EME2: variants seen among roughly 807,000 people sequenced by gnomAD.
The protein encoded by EME2 is essential meiotic structure-specific endonuclease subunit 2, also known as structure-specific endonuclease subunit EME2.
A neutral mutation model predicts 41.9 loss-of-function variants in EME2; 58 were observed. The observed-to-expected ratio is 1.38, with a 90% CI of 1.12 to 1.72. The LOEUF (loss-of-function observed/expected upper bound fraction) is 1.72, where lower values mean the gene tolerates loss of function less well. Ranked by LOEUF, EME2 falls within the 40% of genes most tolerant of loss-of-function variation. The probability of loss-of-function intolerance (pLI) is 0.00; values close to 1 mark genes in which losing one functional copy is unlikely to be tolerated. For missense variants in EME2, 695 were observed against 541.9 expected (o/e 1.28, Z -2.81); for synonymous variants, 334 against 239.3 (o/e 1.40, Z -3.65).
In EME2 at chr16:1,777,377, C is replaced by T. The variant is rs1195970870; in HGVS notation, c.*1139C>T. On this transcript the variant is annotated 3_prime_UTR_variant, in exon 8 of 8. Coordinates refer to ENST00000568449, the MANE Select transcript of EME2 (RefSeq NM_001257370.2). ...ACAGGAGCGGGTGACCTTCATGCTGCTCCGGGCCGCCGTGGAGCACACCAT... is the reference window on the plus strand; with the variant it reads ...ACAGGAGCGGGTGACCTTCATGCTGTTCCGGGCCGCCGTGGAGCACACCAT... 1 of 1,599,468 alleles carries T rather than the reference C, an allele frequency of 6.3e-7. No homozygotes were observed. Among genetic ancestry groups the T allele is most frequent in the Non-Finnish European group, 8.5e-7 (1 of 1,175,258 alleles).
Position 1,773,491 on chromosome 16 carries a change from G to C in EME2, c.247+17G>C. On this transcript the variant is annotated intron_variant, in intron 1 of 7. Coordinates refer to ENST00000568449, the MANE Select transcript of EME2 (RefSeq NM_001257370.2). ...TGGACACAGGTGCGGCGGAGGGCAC[G>C]GGCGATACTCGGGGTAGGAAAGGCC... 1.3e-6 allele frequency: 2 copies of C among 1,577,952 alleles called. No individual in the cohort carries two copies. The highest frequency in any genetic ancestry group is 2.3e-5 in the South Asian group (2 of 88,430).
Position 1,777,060 on chromosome 16 carries a change from G to A in EME2, c.*822G>A. Reference sequence around the variant, plus strand: ...AAAGAAGGGACAGAGGAAAGGGGCTGTCCCAGCCCAAGAAGGCAGTTCCAC... The same window carrying A: ...AAAGAAGGGACAGAGGAAAGGGGCTATCCCAGCCCAAGAAGGCAGTTCCAC... On this transcript the variant is annotated 3_prime_UTR_variant, in exon 8 of 8. Transcript: ENST00000568449. 1.3e-6 allele frequency: 2 copies of A among 1,595,194 alleles called. No homozygotes were observed. Among genetic ancestry groups the A allele is most frequent in the Non-Finnish European group, 1.7e-6 (2 of 1,169,426 alleles).
In EME2 at chr16:1,775,887, G is replaced by C; in HGVS notation, c.870G>C (p.Gln290His). 1.9e-6 allele frequency: 3 copies of C among 1,612,504 alleles called. No homozygotes were observed. The highest frequency in any genetic ancestry group is 2.5e-6 in the Non-Finnish European group (3 of 1,179,814). ...EPVARDGAGL[Q>H]AAWRRQIRQF... Reference sequence around the variant, plus strand: ...TGGCAAGAGACGGCGCAGGGCTGCAGGCGGCCTGGCGGAGGCAGATCAGGC... The same window carrying C: ...TGGCAAGAGACGGCGCAGGGCTGCACGCGGCCTGGCGGAGGCAGATCAGGC... Residue 290 changes from glutamine to histidine, a missense_variant, in exon 7 of 8, where the codon CAG becomes CAC. Coordinates refer to ENST00000568449, the MANE Select transcript of EME2 (RefSeq NM_001257370.2).
In EME2 at chr16:1,772,962, CGGACCGGCAGCCGGCGTCCAG is replaced by C; in HGVS notation, c.-265_-245del. On this transcript the variant is annotated 5_prime_UTR_variant, in exon 1 of 8. Coordinates refer to ENST00000568449, the MANE Select transcript of EME2 (RefSeq NM_001257370.2). ...CTCGCGGCGCACGTCGGCCCAGGCC[CGGACCGGCAGCCGGCGTCCAG>C]AGAACGGCCGCGTCAAGGTCTCGTA... 2 of 1,449,068 alleles carry C rather than the reference CGGACCGGCAGCCGGCGTCCAG, an allele frequency of 1.4e-6. No individual in the cohort carries two copies. The highest frequency in any genetic ancestry group is 3.0e-5 in the African/African-American group (2 of 66,906). 89.8% of individuals were successfully genotyped at this position (1,449,068 alleles called of 1,614,324 possible).
At position 1,781,431 on chromosome 16, in the gene EME2, G is replaced by C. The variant is rs1430930909; in HGVS notation, c.*5193G>C. ...GGCCCGGGCATCTGCGTCTCGGCGG[G>C]CTGCACTCAGGACGAAGTGCCAGGC... On this transcript the variant is annotated 3_prime_UTR_variant, in exon 8 of 8. Transcript: ENST00000568449. 1.2e-6 allele frequency: 2 copies of C among 1,612,826 alleles called. No homozygotes were observed. Among genetic ancestry groups the C allele is most frequent in the Admixed American group, 3.3e-5 (2 of 60,018 alleles).
Position 1,775,656 on chromosome 16 carries a change from A to T in EME2, c.751A>T (p.Thr251Ser). The T allele has an allele frequency of 6.2e-7, 1 of 1,612,930 alleles. No individual in the cohort carries two copies. Among genetic ancestry groups the T allele is most frequent in the Non-Finnish European group, 8.5e-7 (1 of 1,180,032 alleles). ...QELSRHVCAV[T>S]KALAQYPLKQ... ...GCTGAGTCGGCACGTGTGCGCCGTTACCAAGGCTCTCGCCCAGTATCCCCT... is the reference window on the plus strand; with the variant it reads ...GCTGAGTCGGCACGTGTGCGCCGTTTCCAAGGCTCTCGCCCAGTATCCCCT... The change falls in exon 6 of 8, where the codon ACC becomes TCC. Residue 251 changes from threonine to serine, a missense_variant. Thr to Ser is a moderately conservative substitution (Grantham distance 58). Transcript: ENST00000568449.
Position 1,774,252 on chromosome 16 carries a change from C to T in EME2, c.385-8C>T. On this transcript the variant is annotated splice_region_variant and splice_polypyrimidine_tract_variant and intron_variant, in intron 2 of 7. Transcript: ENST00000568449. The stretch of plus-strand genomic sequence containing the variant: ...GACAGGCAGCAGCGCGTCCCCATGT[C>T]CCCACAGCTGCCTCCTGAAGTGTGG... 3 of 1,611,508 alleles carry T rather than the reference C, an allele frequency of 1.9e-6. No homozygotes were observed. The highest frequency in any genetic ancestry group is 2.5e-6 in the Non-Finnish European group (3 of 1,178,978).
Position 1,775,586 on chromosome 16 carries a change from G to A in EME2, c.681G>A (p.Gln227=). Residue 227 remains glutamine, a synonymous_variant, in exon 6 of 8, where the codon CAG becomes CAA. Coordinates refer to ENST00000568449, the MANE Select transcript of EME2 (RefSeq NM_001257370.2). ...PEVEEALVLL[Q]LWANLDVLLV... Reference sequence around the variant, plus strand: ...CTCCCCAGGCCCTGGTACTCCTGCAGCTCTGGGCAAACCTGGACGTGCTAC... The same window carrying A: ...CTCCCCAGGCCCTGGTACTCCTGCAACTCTGGGCAAACCTGGACGTGCTAC... 1.2e-6 allele frequency: 2 copies of A among 1,612,926 alleles called. No homozygotes were observed. The highest frequency in any genetic ancestry group is 1.6e-4 in the Middle Eastern group (1 of 6,062).
rs1393422001 is a variant in EME2 at position 1,773,846 on chromosome 16, G to C, written c.384+5G>C. ...CCCGACCCCTGCCCCCGCAGCGTGA[G>C]TGGTCGCGGGTTCCCGAGGGCCAGC... On this transcript the variant is annotated splice_donor_5th_base_variant and intron_variant, in intron 2 of 7. Transcript: ENST00000568449. The C allele has an allele frequency of 1.2e-5, 19 of 1,535,656 alleles. No individual in the cohort carries two copies. Among genetic ancestry groups the C allele is most frequent in the Non-Finnish European group, 1.7e-5 (19 of 1,146,450 alleles).
At position 1,773,215 on chromosome 16, in the gene EME2, G is replaced by A; in HGVS notation, c.-13G>A. On this transcript the variant is annotated 5_prime_UTR_variant, in exon 1 of 8. Coordinates refer to ENST00000568449, the MANE Select transcript of EME2 (RefSeq NM_001257370.2). ...CGGTCGCGGCCGGAAGCGAGGAAGA[G>A]GTCGGTCCGGCCATGGCGCGGGTTG... 2 of 1,443,936 alleles carry A rather than the reference G, an allele frequency of 1.4e-6. No homozygotes were observed. The highest frequency in any genetic ancestry group is 1.5e-5 in the South Asian group (1 of 68,182). 89.4% of individuals were successfully genotyped at this position (1,443,936 alleles called of 1,614,324 possible).
Position 1,778,100 on chromosome 16 carries a change from T to C in EME2, c.*1862T>C. 6.2e-7 allele frequency: 1 copy of C among 1,612,866 alleles called. No homozygotes were observed. The highest frequency in any genetic ancestry group is 8.5e-7 in the Non-Finnish European group (1 of 1,179,902). ...GCGGGGCTGGGCTGCCGGAGCCAGG[T>C]TCCCCAGAAGCACCCTGGGCCGAAG... On this transcript the variant is annotated 3_prime_UTR_variant, in exon 8 of 8. Coordinates refer to ENST00000568449, the MANE Select transcript of EME2 (RefSeq NM_001257370.2).
In EME2 at chr16:1,773,231, G is replaced by A. The variant is rs745897769; in HGVS notation, c.4G>A (p.Ala2Thr). M[A>T]RVGPGRAGVS... Reference sequence around the variant, plus strand: ...CGAGGAAGAGGTCGGTCCGGCCATGGCGCGGGTTGGACCCGGGAGGGCGGG... The same window carrying A: ...CGAGGAAGAGGTCGGTCCGGCCATGACGCGGGTTGGACCCGGGAGGGCGGG... The change falls in exon 1 of 8, where the codon GCG becomes ACG. Residue 2 changes from alanine to threonine, a missense_variant. Coordinates refer to ENST00000568449, the MANE Select transcript of EME2 (RefSeq NM_001257370.2). The A allele has an allele frequency of 3.8e-4, 547 of 1,445,330 alleles. No homozygotes were observed. The highest frequency in any genetic ancestry group is 4.7e-4 in the Non-Finnish European group (518 of 1,108,878). 89.5% of individuals were successfully genotyped at this position (1,445,330 alleles called of 1,614,324 possible).
At chr16:1,774,423 C>T (rs1483725431) in intron 3 of EME2, 71 bp downstream of exon 3, 28 of 1,286,206 alleles carry the variant, frequency 2.2e-5, no homozygotes, top group South Asian at 1.7e-4. Context: ...GCGCCTGCTC[C>T]GCCGGTCCCT....
In EME2 at chr16:1,773,038, G is replaced by A. The variant is rs2042647851; in HGVS notation, c.-190G>A. ...ACCGCGTAGAGCTGGGAGTCGCGCGGCCTGTTCAGTTGCTCCCGCAGGGCG... is the reference window on the plus strand; with the variant it reads ...ACCGCGTAGAGCTGGGAGTCGCGCGACCTGTTCAGTTGCTCCCGCAGGGCG... On this transcript the variant is annotated 5_prime_UTR_variant, in exon 1 of 8. Transcript: ENST00000568449. The A allele has an allele frequency of 7.0e-7, 1 of 1,436,474 alleles. No individual in the cohort carries two copies. The highest frequency in any genetic ancestry group is 9.1e-7 in the Non-Finnish European group (1 of 1,096,586). 89.0% of individuals were successfully genotyped at this position (1,436,474 alleles called of 1,614,324 possible).
Position 1,777,931 on chromosome 16 carries a change from C to A in EME2, c.*1693C>A. 1 of 1,612,444 alleles carries A rather than the reference C, an allele frequency of 6.2e-7. No individual in the cohort carries two copies. The highest frequency in any genetic ancestry group is 1.3e-5 in the African/African-American group (1 of 75,040). On this transcript the variant is annotated 3_prime_UTR_variant, in exon 8 of 8. Transcript: ENST00000568449. ...GCTCCAGGCTCGGCCCCGCCCCACC[C>A]TGGGCCTCACGCACCCGTGTAGGAG...
In EME2 at chr16:1,773,253, CG is replaced by C. The variant is rs2042653144; in HGVS notation, c.31del (p.Val11SerfsTer63). On this transcript the variant is annotated frameshift_variant, in exon 1 of 8. Coordinates refer to ENST00000568449, the MANE Select transcript of EME2 (RefSeq NM_001257370.2). LOFTEE classifies it high-confidence loss of function. MARVGPGR[A>X]GVSCQGRGRG... ...ATGGCGCGGGTTGGACCCGGGAGGG[CG>C]GGGGTCTCTTGCCAGGGCCGGGGCC... 1 of 1,450,592 alleles carries C rather than the reference CG, an allele frequency of 6.9e-7. No homozygotes were observed. Among genetic ancestry groups the C allele is most frequent in the Non-Finnish European group, 9.0e-7 (1 of 1,111,332 alleles). The allele number at this position is 1,450,592 out of a possible 1,614,324, so 89.9% of individuals were successfully genotyped here. A position where few individuals can be genotyped will look rare whatever the true frequency, so the allele number is the denominator to read the frequency against.
chr16:1,776,263 C>T lies in EME2; in HGVS notation c.*25C>T. 1 of 1,610,032 alleles carries T rather than the reference C, an allele frequency of 6.2e-7. No homozygotes were observed. Among genetic ancestry groups the T allele is most frequent in the Non-Finnish European group, 8.5e-7 (1 of 1,178,386 alleles). Reference sequence around the variant, plus strand: ...ACCACACGTGGGACCACCAGGACAGCATGCAGCCTTGGGGACAGACCAGAC... The same window carrying T: ...ACCACACGTGGGACCACCAGGACAGTATGCAGCCTTGGGGACAGACCAGAC... On this transcript the variant is annotated 3_prime_UTR_variant, in exon 8 of 8. Transcript: ENST00000568449.
chr16:1,774,851 C>G, intron 3 of EME2, 190 bp from the exon 4 acceptor site: 3 of 658,940 alleles, frequency 4.6e-6, no homozygotes, highest in Middle Eastern at 4.3e-4. Flanking sequence ...CCAGGGTCTC[C>G]TTAGCCTCTT....
At position 1,773,828 on chromosome 16, in the gene EME2, C is replaced by G. The variant is rs781684913; in HGVS notation, c.371C>G (p.Pro124Arg). The change falls in exon 2 of 8, where the codon CCC becomes CGC. Residue 124 changes from proline (P) to arginine (R), a missense_variant. Transcript: ENST00000568449. ...SLRWTRASPD[P>R]CPRSLPPEVW... ...CGGTGGACCCGAGCGAGTCCCGACC[C>G]CTGCCCCCGCAGCGTGAGTGGTCGC... The G allele has an allele frequency of 1.3e-6, 2 of 1,548,284 alleles. No individual in the cohort carries two copies. The highest frequency in any genetic ancestry group is 4.8e-5 in the East Asian group (2 of 41,686).
Sources: allele counts gnomAD v4.1 joint callset, GRCh38; gene constraint gnomAD v4.1.1; transcripts MANE v1.5; gene names NCBI Gene and HGNC (gene_info 2026-07-23, HGNC 2026-07-21).